The following SLC39A10 variants were observed in gnomAD, a reference collection of about 807,000 sequenced individuals.
The protein encoded by SLC39A10 is zinc transporter ZIP10.
A neutral mutation model predicts 65.1 loss-of-function variants in SLC39A10; 13 were observed. That is an observed-to-expected ratio of 0.20 (90% CI 0.13 to 0.32). The LOEUF (loss-of-function observed/expected upper bound fraction) is 0.32, where lower values mean the gene tolerates loss of function less well. Ranked by LOEUF, SLC39A10 falls within the 10% of genes least tolerant of loss-of-function variation. The probability of loss-of-function intolerance (pLI) is 1.00; values close to 1 mark genes in which losing one functional copy is unlikely to be tolerated. For synonymous variants in SLC39A10, 321 were observed against 342.2 expected (o/e 0.94, Z 0.68); for missense variants, 831 against 1,018.4 (o/e 0.82, Z 2.50).
intron 3 of SLC39A10, among the ~76,000 whole-genome samples, chr2:195,696,338 T>A (rs1408522031): frequency 6.9e-6 from 1 of 144,144 alleles, no homozygotes; most frequent in Non-Finnish European, 1.5e-5. Context: ...AAAAAAAACC[T>A]ATCATTAGGA....
intron 1 of SLC39A10, among the ~76,000 whole-genome samples, chr2:195,662,710 A>G (rs1689453916): frequency 6.6e-6 from 1 of 152,156 alleles, no homozygotes; most frequent in Non-Finnish European, 1.5e-5. Context: ...TTCCCCTATA[A>G]TTGTCTGCTG....
At position 195,680,857 on chromosome 2, in the gene SLC39A10, T is replaced by G. The variant is rs148613196; in HGVS notation, c.815T>G (p.Val272Gly). Residue 272 changes from valine (V) to glycine (G), a missense_variant, in exon 2 of 10, where the codon GTA becomes GGA. Coordinates refer to ENST00000359634, the MANE Select transcript of SLC39A10 (RefSeq NM_020342.3). The part of the protein sequence containing the change: ...EHNRVHKPDR[V>G]HNPGHSHVHL... Reference sequence around the variant, plus strand: ...AATCGGGTCCACAAACCTGATCGTGTACATAACCCAGGTCATTCTCATGTA... The same window carrying G: ...AATCGGGTCCACAAACCTGATCGTGGACATAACCCAGGTCATTCTCATGTA... The G allele has an allele frequency of 1.5e-5, 24 of 1,613,984 alleles. No homozygotes were observed. In the African/African-American group the frequency reaches 2.8e-4, roughly 19 times the overall value.
At chr2:195,683,000 AT>A (rs1376985751) in intron 2 of SLC39A10, among the ~76,000 whole-genome samples, 5 of 152,126 alleles carry the variant, frequency 3.3e-5, no homozygotes, top group Non-Finnish European at 7.4e-5. Context: ...GAGCAGATAT[AT>A]GTGACAAAGG....
At chr2:195,664,213 C>T (rs987358542) in intron 1 of SLC39A10, among the ~76,000 whole-genome samples, 10 of 151,926 alleles carry the variant, frequency 6.6e-5, no homozygotes, top group Non-Finnish European at 1.3e-4. Flanking sequence ...AAGATTTTTG[C>T]GTAAACACAA....
At chr2:195,650,777 G>A (rs1455444551) in intron 2 of SLC39A10, among the ~76,000 whole-genome samples, 1 of 152,088 alleles carries the variant, frequency 6.6e-6, no homozygotes. Context: ...ATGATCTCAG[G>A]CGCATCAGAC....
chr2:195,617,903 C>G (rs1369234073), intron 2 of SLC39A10, among the ~76,000 whole-genome samples: 1 of 150,688 alleles, frequency 6.6e-6, no homozygotes, highest in African/African-American at 2.4e-5. Context: ...CCACGCCCGG[C>G]TAATTTTTTG....
intron 3 of SLC39A10, among the ~76,000 whole-genome samples, chr2:195,686,569 C>T (rs1433537222): frequency 6.6e-6 from 1 of 152,084 alleles, no homozygotes; most frequent in Non-Finnish European, 1.5e-5. Flanking sequence ...AAAACAAAAA[C>T]CTATGTTTAT....
At chr2:195,622,218 T>C (rs540825117) in intron 2 of SLC39A10, among the ~76,000 whole-genome samples, 9 of 151,690 alleles carry the variant, frequency 5.9e-5, no homozygotes, top group Non-Finnish European at 1.2e-4. Context: ...ATACAAAAAA[T>C]AGTTGGGCAT....
At chr2:195,640,265 A>T (rs909284272) in intron 2 of SLC39A10, among the ~76,000 whole-genome samples, 1 of 152,062 alleles carries the variant, frequency 6.6e-6, no homozygotes, top group African/African-American at 2.4e-5. Context: ...ATAAGTCCTT[A>T]AGACATTTTA....
chr2:195,616,234 C>T (rs567840308), intron 2 of SLC39A10, among the ~76,000 whole-genome samples: 3 of 152,170 alleles, frequency 2.0e-5, no homozygotes, highest in African/African-American at 4.8e-5. Context: ...GGATTACAGG[C>T]GTGAGCCACC....
chr2:195,676,812 C>T (rs183719797), intron 1 of SLC39A10, among the ~76,000 whole-genome samples: 2 of 152,284 alleles, frequency 1.3e-5, no homozygotes, highest in East Asian at 1.9e-4. Flanking sequence ...CAAAACTAAA[C>T]AGCTACCAGG....
upstream of SLC39A10, chr2:195,656,985 T>G (rs941518013): frequency 1.3e-5 from 2 of 152,258 alleles, no homozygotes; most frequent in African/African-American, 4.8e-5. Context: ...GAATTTCCTA[T>G]TCCTCGGACG....
chr2:195,668,699 T>C (rs979372976), intron 1 of SLC39A10, among the ~76,000 whole-genome samples: 1 of 152,220 alleles, frequency 6.6e-6, no homozygotes, highest in Non-Finnish European at 1.5e-5. Context: ...TTGTTGTTGT[T>C]GTTGTTTGTT....
chr2:195,703,683 T>A (rs1222766923), intron 3 of SLC39A10, among the ~76,000 whole-genome samples: 1 of 152,224 alleles, frequency 6.6e-6, no homozygotes, highest in Non-Finnish European at 1.5e-5. Context: ...AGACAGGGTC[T>A]GACTCTGTCA....
intron 3 of SLC39A10, among the ~76,000 whole-genome samples, chr2:195,699,061 T>C (rs1273709749): frequency 1.3e-5 from 2 of 152,092 alleles, no homozygotes; most frequent in East Asian, 1.9e-4. Context: ...CCATTTCATA[T>C]AGGTTATCCA....
chr2:195,710,530 G>A (rs1405137373), intron 5 of SLC39A10, among the ~76,000 whole-genome samples: 1 of 152,114 alleles, frequency 6.6e-6, no homozygotes, highest in Non-Finnish European at 1.5e-5. Context: ...TCTGAACTGG[G>A]ATTCATGGGA....
At chr2:195,628,018 A>G (rs536281509) in intron 2 of SLC39A10, among the ~76,000 whole-genome samples, 1 of 152,372 alleles carries the variant, frequency 6.6e-6, no homozygotes, top group Admixed American at 6.5e-5. Context: ...AGTCAATGTC[A>G]TTTCTACCAT....
chr2:195,722,104 T>C (rs1692065900), intron 8 of SLC39A10, among the ~76,000 whole-genome samples: 2 of 152,218 alleles, frequency 1.3e-5, no homozygotes, highest in South Asian at 4.1e-4. Flanking sequence ...AGCGGAGAAC[T>C]CTGCTTGGAC....
chr2:195,692,869 A>G (rs1690796996), intron 3 of SLC39A10, among the ~76,000 whole-genome samples: 1 of 152,142 alleles, frequency 6.6e-6, no homozygotes, highest in Non-Finnish European at 1.5e-5. Context: ...TACTATGATG[A>G]ATAGAAGTGG....
Sources: allele counts gnomAD v4.1 joint callset (sites outside exome capture counted in the v4.1 genomes callset), GRCh38; gene constraint gnomAD v4.1.1; transcripts MANE v1.5; gene names NCBI Gene and HGNC (gene_info 2026-07-23, HGNC 2026-07-21).